BAZ2B: variants seen among roughly 807,000 people sequenced by gnomAD.
BAZ2B encodes the protein bromodomain adjacent to zinc finger domain protein 2B.
BAZ2B carries 91 observed loss-of-function variants against 246.0 expected under a neutral mutation model. The observed-to-expected ratio is 0.37, with a 90% CI of 0.31 to 0.44. The LOEUF (loss-of-function observed/expected upper bound fraction) is 0.44, where lower values mean the gene tolerates loss of function less well. Among genes scored for constraint, BAZ2B ranks in the 20% least tolerant of loss-of-function variants. The probability of loss-of-function intolerance (pLI) is 1.00; values close to 1 mark genes in which losing one functional copy is unlikely to be tolerated. For missense variants in BAZ2B, 2,332 were observed against 2,533.7 expected, an observed-to-expected ratio of 0.92 and a Z score of 1.71; for synonymous variants, 855 against 860.0, an observed-to-expected ratio of 0.99 and a Z score of 0.10.
At chr2:159,561,255 T>C (rs1167620467) in intron 1 of BAZ2B, among the ~76,000 whole-genome samples, 2 of 152,122 alleles carry the variant, frequency 1.3e-5, no homozygotes, top group Non-Finnish European at 2.9e-5. Context: ...AAAGACTTGA[T>C]TGGTTCTCTA....
the BAZ2B span, among the ~76,000 whole-genome samples, chr2:159,657,137 T>G: frequency 1.3e-5 from 2 of 152,200 alleles, no homozygotes; most frequent in East Asian, 3.8e-4. Context: ...CATTTAGGTC[T>G]ATCCATGCTT....
At chr2:159,494,835 G>A (rs1232400530) in intron 2 of BAZ2B, among the ~76,000 whole-genome samples, 7 of 152,166 alleles carry the variant, frequency 4.6e-5, no homozygotes, top group Non-Finnish European at 8.8e-5. Context: ...CATGCTAGGC[G>A]CTCAGGATAT....
intron 1 of BAZ2B, among the ~76,000 whole-genome samples, chr2:159,592,015 G>A (rs1170201567): frequency 6.6e-6 from 1 of 152,070 alleles, no homozygotes; most frequent in Non-Finnish European, 1.5e-5. Context: ...AGCTACTCAA[G>A]AGGTTGAGGC....
chr2:159,598,139 G>A (rs528837160), intron 1 of BAZ2B, among the ~76,000 whole-genome samples: 113 of 152,080 alleles, frequency 7.4e-4, no homozygotes, highest in African/African-American at 2.6e-3. Flanking sequence ...TACTATAGGC[G>A]CCTGCCACCA....
chr2:159,639,299 C>T, the BAZ2B span, among the ~76,000 whole-genome samples: 4 of 152,082 alleles, frequency 2.6e-5, no homozygotes, highest in Non-Finnish European at 4.4e-5. Flanking sequence ...GGGATTTCCT[C>T]AATCTGAAAG....
At chr2:159,421,001 A>C (rs1322182106) in intron 13 of BAZ2B, among the ~76,000 whole-genome samples, 7 of 152,202 alleles carry the variant, frequency 4.6e-5, no homozygotes, top group Non-Finnish European at 1.0e-4. Context: ...CATGAAGTCT[A>C]TCACTCCTCT....
intron 2 of BAZ2B, among the ~76,000 whole-genome samples, chr2:159,553,909 G>C (rs1194732086): frequency 6.6e-6 from 1 of 152,000 alleles, no homozygotes; most frequent in Non-Finnish European, 1.5e-5. Flanking sequence ...GGATAAATCA[G>C]CCCTTTCCTG....
intron 5 of BAZ2B, among the ~76,000 whole-genome samples, chr2:159,447,881 G>C (rs376557627): frequency 6.6e-6 from 1 of 152,298 alleles, no homozygotes; most frequent in South Asian, 2.1e-4. Flanking sequence ...TGGAGGCTGA[G>C]GTGTGAGTAT....
Position 159,389,337 on chromosome 2 carries a change from T to C in BAZ2B, c.3216+8A>G. 6.3e-7 allele frequency: 1 copy of C among 1,578,870 alleles called. No homozygotes were observed. Among genetic ancestry groups the C allele is most frequent in the Non-Finnish European group, 8.6e-7 (1 of 1,167,296 alleles). ...TGAATGAAATGGTGTACATGACGTATAAATTACCTTTTGGTCTGCTAAGCA... is the reference window on the plus strand; with the variant it reads ...TGAATGAAATGGTGTACATGACGTACAAATTACCTTTTGGTCTGCTAAGCA... On this transcript the variant is annotated splice_region_variant and intron_variant, in intron 21 of 36. Coordinates refer to ENST00000392783, the MANE Select transcript of BAZ2B (RefSeq NM_013450.4).
chr2:159,699,826 C>T, the BAZ2B span, among the ~76,000 whole-genome samples: 1 of 152,198 alleles, frequency 6.6e-6, no homozygotes, highest in East Asian at 1.9e-4. Flanking sequence ...TTTATCTATG[C>T]TGCTTATCTG....
At chr2:159,543,535 CTTT>C (rs199527937) in intron 2 of BAZ2B, among the ~76,000 whole-genome samples, 7 of 127,296 alleles carry the variant, frequency 5.5e-5, no homozygotes, top group Admixed American at 3.2e-4. Flanking sequence ...CTTAACAATT[CTTT>C]TTTTTTTTTT....
the BAZ2B span, among the ~76,000 whole-genome samples, chr2:159,692,894 G>C: frequency 2.6e-5 from 4 of 152,116 alleles, no homozygotes; most frequent in Non-Finnish European, 4.4e-5. Context: ...TCACAGCCTT[G>C]AACCCCTTGG....
chr2:159,669,264 T>C, the BAZ2B span, among the ~76,000 whole-genome samples: 1 of 152,338 alleles, frequency 6.6e-6, no homozygotes, highest in South Asian at 2.1e-4. Context: ...TTTTCCTATC[T>C]TACTGTCATT....
chr2:159,433,190 T>C lies in BAZ2B; in HGVS notation c.1467A>G (p.Leu489=). The change falls in exon 9 of 37, where the codon TTA becomes TTG. Residue 489 remains leucine (L), a synonymous_variant. Coordinates refer to ENST00000392783, the MANE Select transcript of BAZ2B (RefSeq NM_013450.4). Reference sequence around the variant, plus strand: ...TAACTCCATTTGGTTGGTGATTACCTAAAAGTGCATTTGTCAAGAATGGAT... The same window carrying C: ...TAACTCCATTTGGTTGGTGATTACCCAAAAGTGCATTTGTCAAGAATGGAT... The part of the protein sequence containing the change: ...HPNPFLTNAL[L]GNHQPNGVIQ... 1 of 1,614,228 alleles carries C rather than the reference T, an allele frequency of 6.2e-7. No homozygotes were observed. Among genetic ancestry groups the C allele is most frequent in the Non-Finnish European group, 8.5e-7 (1 of 1,180,024 alleles).
intron 2 of BAZ2B, among the ~76,000 whole-genome samples, chr2:159,502,100 T>C (rs2081906829): frequency 6.6e-6 from 1 of 152,008 alleles, no homozygotes; most frequent in Non-Finnish European, 1.5e-5. Flanking sequence ...TCCATTTAAA[T>C]GAAACATCCA....
At chr2:159,660,324 C>T in the BAZ2B span, among the ~76,000 whole-genome samples, 1 of 152,114 alleles carries the variant, frequency 6.6e-6, no homozygotes, top group Non-Finnish European at 1.5e-5. Flanking sequence ...AATAATATTC[C>T]ACTGTATAGA....
the BAZ2B span, among the ~76,000 whole-genome samples, chr2:159,654,370 G>A: frequency 6.6e-6 from 1 of 152,064 alleles, no homozygotes; most frequent in Non-Finnish European, 1.5e-5. Context: ...TGGAAAGATA[G>A]GCTTGAATAT....
intron 34 of BAZ2B, among the ~76,000 whole-genome samples, chr2:159,327,242 T>C (rs923976891): frequency 1.3e-5 from 2 of 152,198 alleles, no homozygotes; most frequent in African/African-American, 4.8e-5. Context: ...ATTCTTAAAA[T>C]TGGCTGAAAA....
intron 6 of BAZ2B, among the ~76,000 whole-genome samples, chr2:159,440,173 TAGAA>T (rs2073118156): frequency 1.3e-5 from 2 of 152,160 alleles, no homozygotes; most frequent in Non-Finnish European, 2.9e-5. Flanking sequence ...ATTTCACCAA[TAGAA>T]AGACTGAAAA....
Sources: gnomAD v4.1 joint callset for allele counts (sites outside exome capture counted in the v4.1 genomes callset) on GRCh38, gnomAD v4.1.1 for gene constraint, MANE v1.5 for transcripts, NCBI Gene and HGNC (gene_info 2026-07-23, HGNC 2026-07-21) for gene names.